The following CFAP97 variants were observed in gnomAD, a reference collection of about 807,000 sequenced individuals.
CFAP97 encodes the protein cilia and flagella associated protein 97.
In CFAP97, 36 loss-of-function variants were observed where a neutral mutation model predicts 43.1. That is an observed-to-expected ratio of 0.84 (90% CI 0.64 to 1.10). CFAP97 has a LOEUF of 1.10. Ranked by LOEUF, CFAP97 falls within the 50% of genes least tolerant of loss-of-function variation. The pLI, the probability that CFAP97 is intolerant of heterozygous loss-of-function variation, is 0.00. For missense variants in CFAP97, 657 were observed against 620.3 expected, an observed-to-expected ratio of 1.06 and a Z score of -0.63; for synonymous variants, 228 against 225.7, an observed-to-expected ratio of 1.01 and a Z score of -0.09.
intron 2 of CFAP97, 58 bp from the exon 3 acceptor site, chr4:185,176,109 C>CATTT: frequency 9.7e-7 from 1 of 1,029,470 alleles, no homozygotes; most frequent in Non-Finnish European, 1.3e-6. Context: ...GTGGTACATG[C>CATTT]TTTTTTTTTT....
chr4:185,196,666 T>A (rs1426449444), intron 1 of CFAP97, among the ~76,000 whole-genome samples: 1 of 152,146 alleles, frequency 6.6e-6, no homozygotes, highest in Non-Finnish European at 1.5e-5. Context: ...TGTACTATGA[T>A]ACATAAAGAT....
Position 185,160,740 on chromosome 4 carries a change from TTG to T in CFAP97, c.*2056_*2057del, listed in dbSNP as rs1734845938. ...AGTACAGTTGTTATTTATAAAACTA[TTG>T]TGTTGTATCCTGACATGTGGCAACA... On this transcript the variant is annotated 3_prime_UTR_variant, in exon 5 of 5. Coordinates refer to ENST00000458385, the MANE Select transcript of CFAP97 (RefSeq NM_020827.3). 6.6e-6 allele frequency: 1 copy of T among 151,528 alleles called. No homozygotes were observed. Among genetic ancestry groups the T allele is most frequent in the Non-Finnish European group, 1.5e-5 (1 of 67,858 alleles). 9.4% of individuals were successfully genotyped at this position (151,528 alleles called of 1,614,324 possible).
chr4:185,180,356 C>G (rs564490520), intron 2 of CFAP97, among the ~76,000 whole-genome samples: 1 of 152,214 alleles, frequency 6.6e-6, no homozygotes, highest in Non-Finnish European at 1.5e-5. Context: ...TAACCATCAC[C>G]ACCACCAGTT....
At chr4:185,166,130 C>T (rs1256691017) in intron 3 of CFAP97, among the ~76,000 whole-genome samples, 2 of 152,114 alleles carry the variant, frequency 1.3e-5, no homozygotes, top group African/African-American at 4.8e-5. Flanking sequence ...CTCAAATTAC[C>T]CAACTAGTAT....
chr4:185,169,492 C>T, intron 3 of CFAP97: 1 of 609,370 alleles, frequency 1.6e-6, no homozygotes, highest in Non-Finnish European at 2.1e-6. Context: ...AACTGTAAGT[C>T]AATTAAAACT....
intron 3 of CFAP97, among the ~76,000 whole-genome samples, chr4:185,167,223 T>C (rs1735106487): frequency 1.3e-5 from 2 of 152,124 alleles, no homozygotes; most frequent in Admixed American, 6.5e-5. Context: ...TCCCAGCACT[T>C]TGGGAGGCCA....
At chr4:185,164,595 G>A (rs972802492) in intron 3 of CFAP97, among the ~76,000 whole-genome samples, 5 of 152,150 alleles carry the variant, frequency 3.3e-5, no homozygotes, top group Non-Finnish European at 5.9e-5. Flanking sequence ...GGCCAGTAAA[G>A]CCCCTTCCTC....
chr4:185,172,653 AGT>A (rs1393754062), intron 3 of CFAP97, among the ~76,000 whole-genome samples: 2 of 152,294 alleles, frequency 1.3e-5, no homozygotes, highest in Admixed American at 1.3e-4. Context: ...TAACTACAAA[AGT>A]GTGTCTCTGT....
chr4:185,165,720 A>G (rs1157038205), intron 3 of CFAP97, among the ~76,000 whole-genome samples: 3 of 152,194 alleles, frequency 2.0e-5, no homozygotes, highest in Non-Finnish European at 4.4e-5. Flanking sequence ...AAATGAAACC[A>G]CATTTTAACC....
chr4:185,177,937 C>T (rs1475957572), intron 2 of CFAP97, among the ~76,000 whole-genome samples: 2 of 152,116 alleles, frequency 1.3e-5, no homozygotes, highest in South Asian at 2.1e-4. Context: ...ACTCTACTTC[C>T]CTACATTTAA....
intron 1 of CFAP97, among the ~76,000 whole-genome samples, chr4:185,194,376 C>T (rs1736444149): frequency 6.6e-6 from 1 of 152,148 alleles, no homozygotes; most frequent in Non-Finnish European, 1.5e-5. Context: ...GTAATCCCAG[C>T]CACTAGGGAG....
At chr4:185,205,482 T>C (rs1015383391), upstream of CFAP97, among the ~76,000 whole-genome samples, 3 of 152,104 alleles carry the variant, frequency 2.0e-5, no homozygotes, top group African/African-American at 4.8e-5. Context: ...AATTTCACTT[T>C]CTTTTAAAGT....
rs758330573 is a variant in CFAP97 at position 185,190,189 on chromosome 4, T to A, written c.1008A>T (p.Lys336Asn). 3.7e-6 allele frequency: 6 copies of A among 1,603,820 alleles called. No individual in the cohort carries two copies. In the South Asian group the frequency reaches 5.7e-5, roughly 15 times the overall value. The stretch of plus-strand genomic sequence containing the variant: ...CCATTGTGTCATGTAAGACTTTCTG[T>A]TTATGTCTGTGGTCTAAACTGGAGT... ...VLDSSLDHRHKQKVLHDTMDL... is the reference protein window; with the variant it reads ...VLDSSLDHRHNQKVLHDTMDL... The change falls in exon 2 of 5, where the codon AAA becomes AAT. Residue 336 changes from lysine to asparagine, a missense_variant. By Grantham distance (94) the Lys-to-Asn change is moderately conservative. Transcript: ENST00000458385.
chr4:185,180,543 A>T (rs895445431), intron 2 of CFAP97, among the ~76,000 whole-genome samples: 6 of 152,138 alleles, frequency 3.9e-5, no homozygotes, highest in African/African-American at 1.4e-4. Context: ...TTCACTTAGC[A>T]TAATGTCCTC....
rs181542174 is a variant in CFAP97, at chr4:185,200,636, G to A, written c.-17+3262C>T. On this transcript the variant is annotated intron_variant, in intron 1 of 4. Transcript: ENST00000458385. ...CCAGCGGGTGACAGAGTGAGATTCT[G>A]TCTCAAAAAAAAAAAAGCTGGGTTG... Among the ~76,000 whole-genome samples, 45 of 148,190 alleles carry A rather than the reference G, an allele frequency of 3.0e-4. No individual in the cohort carries two copies. The East Asian group carries it at 8.6e-3, about 28-fold the overall frequency.
chr4:185,190,907 G>A lies in CFAP97; in HGVS notation c.290C>T (p.Ser97Phe), dbSNP rs1033951817. Residue 97 changes from serine (S) to phenylalanine (F), a missense_variant, in exon 2 of 5, where the codon TCT becomes TTT. Transcript: ENST00000458385. ...ATCACACAATTTTTTTGATCTTGAA[G>A]AGGCTGGCAATGAGAAAGAACTTAC... ...QTVSSFSLPA[S>F]SRSKKLCDVT... is the part of the protein sequence containing the mutation. 2.5e-6 allele frequency: 4 copies of A among 1,613,476 alleles called. No individual in the cohort carries two copies. The highest frequency in any genetic ancestry group is 3.4e-6 in the Non-Finnish European group (4 of 1,179,720).
In CFAP97 at chr4:185,175,859, T is replaced by A. The variant is rs1461149488; in HGVS notation, c.1247A>T (p.Asp416Val). The A allele has an allele frequency of 6.2e-7, 1 of 1,613,832 alleles. No homozygotes were observed. The highest frequency in any genetic ancestry group is 8.5e-7 in the Non-Finnish European group (1 of 1,179,868). The change falls in exon 3 of 5, where the codon GAT becomes GTT. Residue 416 changes from aspartate (D) to valine (V), a missense_variant. By Grantham distance (152) the Asp-to-Val change is radical. Transcript: ENST00000458385. ...ACTGTGATATAACTTTGGGGGATGA[T>A]CAGCCGATCTAGGAATTGTACTTTT... ...GSKSTIPRSA[D>V]HPPKLYHSAL...
Position 185,161,518 on chromosome 4 carries a change from G to C in CFAP97, c.*1280C>G, listed in dbSNP as rs1734872550. On this transcript the variant is annotated 3_prime_UTR_variant, in exon 5 of 5. Coordinates refer to ENST00000458385, the MANE Select transcript of CFAP97 (RefSeq NM_020827.3). ...TGGAACCTTTCCAATACATTTTAAG[G>C]GCATACTGAAAAGGCTAGTAGTGAA... 6.6e-6 allele frequency: 1 copy of C among 152,018 alleles called. No homozygotes were observed. The highest frequency in any genetic ancestry group is 1.5e-5 in the Non-Finnish European group (1 of 68,006). 9.4% of individuals were successfully genotyped at this position (152,018 alleles called of 1,614,324 possible).
rs957491214 is a variant in CFAP97 at position 185,160,044 on chromosome 4, A to G, written c.*2754T>C. The G allele has an allele frequency of 6.6e-6, 1 of 152,220 alleles. No individual in the cohort carries two copies. Among genetic ancestry groups the G allele is most frequent in the Non-Finnish European group, 1.5e-5 (1 of 68,042 alleles). 9.4% of individuals were successfully genotyped at this position (152,220 alleles called of 1,614,324 possible). On this transcript the variant is annotated 3_prime_UTR_variant, in exon 5 of 5. Coordinates refer to ENST00000458385, the MANE Select transcript of CFAP97 (RefSeq NM_020827.3). Reference sequence around the variant, plus strand: ...GTCACCTTCCTAAAGCTGTCTCGATATCTACTGTGGACACTCAGGTTAGCG... The same window carrying G: ...GTCACCTTCCTAAAGCTGTCTCGATGTCTACTGTGGACACTCAGGTTAGCG...
Sources: allele counts gnomAD v4.1 joint callset (sites outside exome capture counted in the v4.1 genomes callset), GRCh38; gene constraint gnomAD v4.1.1; transcripts MANE v1.5; gene names NCBI Gene and HGNC (gene_info 2026-07-23, HGNC 2026-07-21).